Variants in UPF3B observed in about 807,000 individuals in gnomAD.
UPF3B encodes UPF3B regulator of nonsense mediated mRNA decay, also known as regulator of nonsense transcripts 3B.
UPF3B carries 7 observed loss-of-function variants against 40.3 expected under a neutral mutation model. The observed-to-expected ratio is 0.17, with a 90% CI of 0.10 to 0.33. The LOEUF (loss-of-function observed/expected upper bound fraction) is 0.33. Among genes scored for constraint, UPF3B ranks in the 10% least tolerant of loss-of-function variants. The pLI is 1.00. For synonymous variants in UPF3B, 117 were observed against 117.3 expected (o/e 1.00, Z 0.01); for missense variants, 229 against 358.9 (o/e 0.64, Z 2.93).
chrX:119,832,179 T>TA (rs1355365351), downstream of UPF3B, among the ~76,000 whole-genome samples: 4 of 111,677 alleles, frequency 3.6e-5, no homozygotes, highest in Non-Finnish European at 7.5e-5. Flanking sequence ...AGGCTGGTCT[T>TA]AAATTCCTGA....
intron 3 of UPF3B, among the ~76,000 whole-genome samples, chrX:119,846,324 A>G (rs1201258249): frequency 1.8e-5 from 2 of 109,479 alleles, no homozygotes; most frequent in African/African-American, 6.6e-5. Flanking sequence ...ACAGAGTAAG[A>G]CTCCGTCTCA....
intron 4 of UPF3B, among the ~76,000 whole-genome samples, chrX:119,815,666 C>T (rs934165421): frequency 9.0e-6 from 1 of 111,569 alleles, no homozygotes; most frequent in Admixed American, 9.6e-5. Context: ...TGCAGGCACG[C>T]TCTACCACAC....
chrX:119,842,595 C>CACACAT (rs2056177164), intron 5 of UPF3B, among the ~76,000 whole-genome samples: 1 of 85,687 alleles, frequency 1.2e-5, no homozygotes, highest in South Asian at 6.0e-4. Flanking sequence ...CACACACACA[C>CACACAT]ACACACACAT....
intron 4 of UPF3B, among the ~76,000 whole-genome samples, chrX:119,816,435 T>C (rs2055865871): frequency 9.0e-6 from 1 of 111,692 alleles, no homozygotes; most frequent in African/African-American, 3.2e-5. Flanking sequence ...GCACAAGGAC[T>C]TATTTGAATC....
In UPF3B at chrX:119,819,086, C is replaced by T. The variant is rs149149143; in HGVS notation, c.495-3779G>A. 7.7e-3 allele frequency among the ~76,000 whole-genome samples: 760 copies of T among 98,982 alleles called. 34 individuals carry two copies. The highest frequency in any genetic ancestry group is 0.054 in the Admixed American group (477 of 8,893). The allele number at this position is 98,982 out of a possible 115,157, so 86.0% of individuals were successfully genotyped here. ...TTTTTTTTTTTGAGACCAAATCTCACTCTGTCACCCAGGCTGGACTGCAGT... is the reference window on the plus strand; with the variant it reads ...TTTTTTTTTTTGAGACCAAATCTCATTCTGTCACCCAGGCTGGACTGCAGT... On this transcript the variant is annotated intron_variant, in intron 4 of 6. Coordinates refer to the UPF3B transcript ENST00000636792.
At position 119,838,363 on chromosome X, in the gene UPF3B, T is replaced by A. The variant is rs765853112; in HGVS notation, c.1007+4A>T. On this transcript the variant is annotated splice_donor_region_variant and intron_variant, in intron 9 of 10. Coordinates refer to ENST00000276201, the MANE Select transcript of UPF3B (RefSeq NM_080632.3). ...AACATAACAAAGAGTCCTTGACTAC[T>A]GACCTCTTTGGTTTTTCATCTTTAA... 21 of 1,209,378 alleles carry A rather than the reference T, an allele frequency of 1.7e-5. No homozygotes were observed. In the South Asian group the frequency reaches 3.5e-4, roughly 20 times the overall value.
Position 119,852,867 on chromosome X carries a change from C to T in UPF3B, c.62G>A (p.Gly21Glu). ...EKRVTLLTPA[G>E]ATGSGGGTSG... ...GGTCCCACCACCGCTGCCTGTGGCC[C>T]CGGCGGGGGTTAACAGGGTTACTCG... Residue 21 changes from glycine (G) to glutamate (E), a missense_variant, in exon 1 of 11, where the codon GGG (glycine) becomes GAG (glutamate). By Grantham distance (98) the Gly-to-Glu change is moderately conservative. Coordinates refer to ENST00000276201, the MANE Select transcript of UPF3B (RefSeq NM_080632.3). 1 of 1,212,301 alleles carries T rather than the reference C, an allele frequency of 8.2e-7. No homozygotes were observed. The highest frequency in any genetic ancestry group is 1.1e-6 in the Non-Finnish European group (1 of 895,609).
chrX:119,837,354 G>A (rs998508816), intron 10 of UPF3B, among the ~76,000 whole-genome samples: 1 of 109,377 alleles, frequency 9.1e-6, no homozygotes, highest in Non-Finnish European at 1.9e-5. Flanking sequence ...GGTGGCTCAC[G>A]CCTGTAATCC....
intron 10 of UPF3B, among the ~76,000 whole-genome samples, chrX:119,836,141 G>A (rs1297366067): frequency 9.0e-6 from 1 of 111,336 alleles, no homozygotes; most frequent in Non-Finnish European, 1.9e-5. Flanking sequence ...GATCACCTGA[G>A]GTCAGGAGTT....
downstream of UPF3B, among the ~76,000 whole-genome samples, chrX:119,829,267 G>A (rs192166920): frequency 4.5e-5 from 5 of 111,836 alleles, no homozygotes; most frequent in Admixed American, 9.5e-5. Flanking sequence ...TGATCTGCCC[G>A]CCTTGGCCTC....
chrX:119,845,339 T>C (rs2056214408), intron 3 of UPF3B, 43 bp from the exon 4 acceptor site: 1 of 1,055,349 alleles, frequency 9.5e-7, no homozygotes, highest in East Asian at 3.0e-5. Flanking sequence ...ACAAAGAAAA[T>C]GTCAAAAGTG....
intron 1 of UPF3B, 146 bp downstream of exon 1, chrX:119,852,627 G>A: frequency 1.0e-6 from 1 of 957,091 alleles, no homozygotes; most frequent in Admixed American, 2.7e-5. Context: ...TCGGGTGAAT[G>A]GATGAACCAG....
chrX:119,825,824 C>A (rs2055972780), intron 3 of UPF3B, among the ~76,000 whole-genome samples: 1 of 111,997 alleles, frequency 8.9e-6, no homozygotes, highest in South Asian at 3.7e-4. Flanking sequence ...AGGACATCCA[C>A]ATCAATTTGC....
chrX:119,840,399 T>C (rs2056147150), intron 8 of UPF3B, among the ~76,000 whole-genome samples: 1 of 111,590 alleles, frequency 9.0e-6, no homozygotes, highest in Non-Finnish European at 1.9e-5. Context: ...TATATAGGCA[T>C]GGTTGTCCTC....
chrX:119,818,396 C>T (rs953052864), intron 4 of UPF3B, among the ~76,000 whole-genome samples: 2 of 111,827 alleles, frequency 1.8e-5, no homozygotes, highest in African/African-American at 3.2e-5. Context: ...ACCTGGCCCA[C>T]GTGGTGAAAC....
chrX:119,849,616 GA>G (rs773835082), intron 3 of UPF3B, among the ~76,000 whole-genome samples: 38 of 111,717 alleles, frequency 3.4e-4, no homozygotes, highest in African/African-American at 1.1e-3. Flanking sequence ...GGAAATTGTG[GA>G]AGACAGGCTG....
rs1220397336 is a variant in UPF3B at position 119,851,554 on chromosome X, T to C, written c.311A>G (p.Gln104Arg). 1 of 1,209,908 alleles carries C rather than the reference T, an allele frequency of 8.3e-7. No homozygotes were observed. Among genetic ancestry groups the C allele is most frequent in the East Asian group, 3.0e-5 (1 of 33,831 alleles). ...ATCCCTGAACAAAATAATGTCCTCT[T>C]GGTTTTTAAAGTTGATGTATGCTCT... ...YARAYINFKN[Q>R]EDIILFRDRF... The change falls in exon 3 of 11, where the codon CAA (glutamine) becomes CGA (arginine). Residue 104 changes from glutamine to arginine, a missense_variant. Gln to Arg is a conservative substitution (Grantham distance 43). Coordinates refer to ENST00000276201, the MANE Select transcript of UPF3B (RefSeq NM_080632.3).
rs1315544854 is a variant in UPF3B, at chrX:119,852,351, T to C, written c.156+422A>G. On this transcript the variant is annotated intron_variant, in intron 1 of 10. Coordinates refer to ENST00000276201, the MANE Select transcript of UPF3B (RefSeq NM_080632.3). ...AAAAATCTACCCATTGCTCTCAAAATAGGATGCTCTCGATCTACCCTCCTG... is the reference window on the plus strand; with the variant it reads ...AAAAATCTACCCATTGCTCTCAAAACAGGATGCTCTCGATCTACCCTCCTG... Among the ~76,000 whole-genome samples, 3 of 111,515 alleles carry C rather than the reference T, an allele frequency of 2.7e-5. No homozygotes were observed. In the Admixed American group the frequency reaches 2.9e-4, roughly 11 times the overall value.
intron 3 of UPF3B, among the ~76,000 whole-genome samples, chrX:119,847,602 CCA>C (rs1368717946): frequency 2.8e-5 from 3 of 108,222 alleles, no homozygotes; most frequent in Non-Finnish European, 3.8e-5. Context: ...TCCGTCTCTA[CCA>C]CAAACATAAA....
Sources: allele counts gnomAD v4.1 joint callset (sites outside exome capture counted in the v4.1 genomes callset), GRCh38; gene constraint gnomAD v4.1.1; transcripts MANE v1.5; gene names NCBI Gene and HGNC (gene_info 2026-07-23, HGNC 2026-07-21).